Variants in PICALM observed in about 807,000 individuals in gnomAD.
The protein encoded by PICALM is phosphatidylinositol-binding clathrin assembly protein.
In PICALM, 40 loss-of-function variants were observed where a neutral mutation model predicts 80.5. The ratio of observed to expected loss-of-function variants is 0.50; its 90% CI spans 0.39 to 0.65. The LOEUF is 0.65. PICALM is among the 30% of genes least tolerant of loss of function. The probability of loss-of-function intolerance (pLI) is 0.00; values close to 1 mark genes in which losing one functional copy is unlikely to be tolerated. For synonymous variants in PICALM, 288 were observed against 260.3 expected, an observed-to-expected ratio of 1.11 and a Z score of -1.02; for missense variants, 676 against 778.9, an observed-to-expected ratio of 0.87 and a Z score of 1.57.
At chr11:86,058,073 T>C (rs1201809795) in intron 1 of PICALM, among the ~76,000 whole-genome samples, 5 of 152,250 alleles carry the variant, frequency 3.3e-5, no homozygotes, top group South Asian at 2.1e-4. Context: ...TTAAAAAGAC[T>C]TGCCAATCCT....
chr11:85,991,323 T>C (rs1314484812), intron 12 of PICALM, among the ~76,000 whole-genome samples: 1 of 152,196 alleles, frequency 6.6e-6, no homozygotes, highest in Non-Finnish European at 1.5e-5. Flanking sequence ...TGGAATCTTC[T>C]TGTCTGTTCT....
intron 17 of PICALM, among the ~76,000 whole-genome samples, chr11:85,979,383 G>A (rs374327086): frequency 1.4e-4 from 22 of 151,838 alleles, no homozygotes; most frequent in East Asian, 3.9e-4. Context: ...CCAGCTACTC[G>A]GGAGGCTAAG....
At chr11:86,009,907 T>A (rs189710949) in intron 7 of PICALM, among the ~76,000 whole-genome samples, 1 of 152,344 alleles carries the variant, frequency 6.6e-6, no homozygotes, top group East Asian at 1.9e-4. Context: ...AATTCAAAAT[T>A]AATTTCAGTA....
At position 85,958,832 on chromosome 11, in the gene PICALM, T is replaced by C. The variant is rs796143140; in HGVS notation, c.*214A>G. Reference sequence around the variant, plus strand: ...AAAGACAGATCTTAGTCTTAAATCATAGCAATTCTTGGCTTTATAAACTGT... The same window carrying C: ...AAAGACAGATCTTAGTCTTAAATCACAGCAATTCTTGGCTTTATAAACTGT... On this transcript the variant is annotated 3_prime_UTR_variant, in exon 20 of 20. Coordinates refer to ENST00000393346, the MANE Select transcript of PICALM (RefSeq NM_007166.4). 2.1e-4 allele frequency: 90 copies of C among 426,656 alleles called. 1 individual carries two copies. Among genetic ancestry groups the C allele is most frequent in the African/African-American group, 1.3e-3 (67 of 50,318 alleles). The allele number at this position is 426,656 out of a possible 1,614,324, so 26.4% of individuals were successfully genotyped here.
intron 1 of PICALM, among the ~76,000 whole-genome samples, chr11:86,062,940 T>G (rs931088355): frequency 6.6e-6 from 1 of 152,230 alleles, no homozygotes. Context: ...GACTTTACTT[T>G]GAAAGTCTAA....
At chr11:86,050,863 A>G (rs1295545998) in intron 1 of PICALM, among the ~76,000 whole-genome samples, 5 of 152,000 alleles carry the variant, frequency 3.3e-5, no homozygotes, top group Non-Finnish European at 5.9e-5. Flanking sequence ...TATTGTTATT[A>G]TTTTTTATGT....
At chr11:86,067,825 T>TG (rs2096467590) in intron 1 of PICALM, among the ~76,000 whole-genome samples, 1 of 152,162 alleles carries the variant, frequency 6.6e-6, no homozygotes, top group African/African-American at 2.4e-5. Context: ...TGTGAAAAGC[T>TG]GGGGGGCAGA....
At chr11:85,994,820 C>T (rs775435324) in intron 12 of PICALM, among the ~76,000 whole-genome samples, 2 of 152,170 alleles carry the variant, frequency 1.3e-5, no homozygotes, top group African/African-American at 4.8e-5. Context: ...TCTCATGCCT[C>T]GGCCTCCCAA....
intron 19 of PICALM, among the ~76,000 whole-genome samples, chr11:85,974,201 C>T (rs2094199742): frequency 6.6e-6 from 1 of 152,156 alleles, no homozygotes; most frequent in Non-Finnish European, 1.5e-5. Flanking sequence ...ACATTTCAAG[C>T]TTTTTGACTC....
chr11:86,037,205 A>G (rs962388147), intron 1 of PICALM, among the ~76,000 whole-genome samples: 30 of 150,714 alleles, frequency 2.0e-4, no homozygotes, highest in Admixed American at 4.0e-4. Context: ...CGGCCTCCCA[A>G]AGGGCTGGGG....
chr11:86,058,365 A>G (rs2096302578), intron 1 of PICALM, among the ~76,000 whole-genome samples: 2 of 152,230 alleles, frequency 1.3e-5, no homozygotes, highest in Non-Finnish European at 2.9e-5. Flanking sequence ...CTTACAGAGT[A>G]TATCTGCAAT....
At chr11:85,977,238 T>C (rs955572797) in intron 17 of PICALM, among the ~76,000 whole-genome samples, 1 of 152,230 alleles carries the variant, frequency 6.6e-6, no homozygotes, top group Non-Finnish European at 1.5e-5. Flanking sequence ...CTATGAGCCA[T>C]AGTTCTTATA....
At chr11:86,048,160 C>T (rs1031862122) in intron 1 of PICALM, among the ~76,000 whole-genome samples, 1 of 152,186 alleles carries the variant, frequency 6.6e-6, no homozygotes, top group African/African-American at 2.4e-5. Flanking sequence ...TTGCACTGCA[C>T]CTTCATGCAG....
At position 85,974,703 on chromosome 11, in the gene PICALM, A is replaced by T. The variant is rs1297813011; in HGVS notation, c.1944+5T>A. On this transcript the variant is annotated splice_donor_5th_base_variant and intron_variant, in intron 19 of 19. Transcript: ENST00000393346. Reference sequence around the variant, plus strand: ...ATTACCACAGTTACATGTAGTGTGTAATACCTGTGCTCCTGATACAGGGCC... The same window carrying T: ...ATTACCACAGTTACATGTAGTGTGTTATACCTGTGCTCCTGATACAGGGCC... 3.9e-6 allele frequency: 6 copies of T among 1,544,504 alleles called. No individual in the cohort carries two copies. In the Admixed American group the frequency reaches 8.3e-5, roughly 21 times the overall value.
chr11:86,065,802 G>C (rs1350780846), intron 1 of PICALM, among the ~76,000 whole-genome samples: 2 of 152,126 alleles, frequency 1.3e-5, no homozygotes, highest in East Asian at 3.8e-4. Context: ...TCTTTCTTCA[G>C]TAAGTATATA....
intron 13 of PICALM, among the ~76,000 whole-genome samples, chr11:85,988,804 A>G (rs1330477910): frequency 6.6e-6 from 1 of 152,238 alleles, no homozygotes; most frequent in Non-Finnish European, 1.5e-5. Flanking sequence ...AAAGAACTTA[A>G]GGCTCCATGA....
intron 19 of PICALM, chr11:85,960,721 G>A (rs1168300773): frequency 3.0e-6 from 4 of 1,319,864 alleles, no homozygotes; most frequent in African/African-American, 1.5e-5. Flanking sequence ...CTGCAAAGGG[G>A]TCCTTTCCTG....
At position 86,068,617 on chromosome 11, in the gene PICALM, C is replaced by T. The variant is rs775441140; in HGVS notation, c.130+34G>A. The T allele has an allele frequency of 1.0e-5, 16 of 1,590,814 alleles. No individual in the cohort carries two copies. The African/African-American group carries it at 1.9e-4, about 19-fold the overall frequency. The stretch of plus-strand genomic sequence containing the variant: ...AGGACGCGCGCGGGTCGCGCGGGCG[C>T]CGGGGAGCGGGGGCCGCGGTCGGCT... On this transcript the variant is annotated intron_variant, in intron 1 of 19. Coordinates refer to ENST00000393346, the MANE Select transcript of PICALM (RefSeq NM_007166.4).
At chr11:86,038,709 G>A (rs1373571724) in intron 1 of PICALM, among the ~76,000 whole-genome samples, 1 of 49,416 alleles carries the variant, frequency 2.0e-5, no homozygotes, top group Non-Finnish European at 4.2e-5. Flanking sequence ...GAACCCAGGA[G>A]GCGGAGGTTG....
Sources: allele counts gnomAD v4.1 joint callset (sites outside exome capture counted in the v4.1 genomes callset), GRCh38; gene constraint gnomAD v4.1.1; transcripts MANE v1.5; gene names NCBI Gene and HGNC (gene_info 2026-07-23, HGNC 2026-07-21).